BLTP2: variants seen among roughly 807,000 people sequenced by gnomAD.
BLTP2 encodes the protein bridge-like lipid transfer protein family member 2, also known as U937-associated antigen.
chr17:28,616,716 T>TG, the BLTP2 span: 1 of 1,614,252 alleles, frequency 6.2e-7, no homozygotes, highest in Non-Finnish European at 8.5e-7. The surrounding 1 kb of genome is among the most constrained non-coding windows in gnomAD (Gnocchi z 4.8). Context: ...GTGGAAGAAC[T>TG]GGTGTGTCAG....
the BLTP2 span, chr17:28,618,835 G>A: frequency 6.2e-7 from 1 of 1,613,968 alleles, no homozygotes; most frequent in East Asian, 2.2e-5. Flanking sequence ...GCAATTCCCA[G>A]CTGTCCATCT....
the BLTP2 span, among the ~76,000 whole-genome samples, chr17:28,628,883 G>A: frequency 2.5e-4 from 38 of 150,350 alleles, no homozygotes; most frequent in Non-Finnish European, 5.2e-4. Flanking sequence ...GCAGTGAGCC[G>A]AGATCACACC....
At chr17:28,620,854 G>A in the BLTP2 span, 1 of 989,474 alleles carries the variant, frequency 1.0e-6, no homozygotes. Context: ...CTTACAAAAA[G>A]TAGAGCAAAG....
chr17:28,632,810 A>AT, the BLTP2 span: 29 of 596,198 alleles, frequency 4.9e-5, 1 homozygote, highest in Non-Finnish European at 6.8e-5. Flanking sequence ...ACAAAAAAAA[A>AT]GGTCCTAACC....
the BLTP2 span, chr17:28,644,324 C>G: frequency 1.1e-6 from 1 of 933,378 alleles, no homozygotes; most frequent in Admixed American, 2.6e-5. Context: ...TCCAAAGCAC[C>G]ACTCTGTCAT....
At chr17:28,635,032 T>TGTA in the BLTP2 span, 1 of 1,613,398 alleles carries the variant, frequency 6.2e-7, no homozygotes, top group Non-Finnish European at 8.5e-7. Flanking sequence ...AGTCCCTTGA[T>TGTA]GTAGTCCCTT....
the BLTP2 span, chr17:28,643,554 A>C: frequency 6.4e-7 from 1 of 1,557,642 alleles, no homozygotes; most frequent in Non-Finnish European, 8.9e-7. Context: ...GTCACTCTGC[A>C]AACACCAACT....
chr17:28,642,664 A>G, the BLTP2 span, among the ~76,000 whole-genome samples: 1 of 152,030 alleles, frequency 6.6e-6, no homozygotes, highest in Non-Finnish European at 1.5e-5. Flanking sequence ...AAAAAAATTT[A>G]AAAAAAAGAG....
chr17:28,614,464 T>C, the BLTP2 span: 1 of 406,346 alleles, frequency 2.5e-6, no homozygotes, highest in Non-Finnish European at 4.1e-6. Context: ...AAAATATCTT[T>C]TTTTTTCTCT....
chr17:28,629,541 G>A, the BLTP2 span, among the ~76,000 whole-genome samples: 1 of 152,080 alleles, frequency 6.6e-6, no homozygotes, highest in Non-Finnish European at 1.5e-5. Context: ...GCAATGGTGC[G>A]ATCTCAGCTG....
At chr17:28,639,523 T>C in the BLTP2 span, 1 of 1,613,106 alleles carries the variant, frequency 6.2e-7, no homozygotes, top group Non-Finnish European at 8.5e-7. Context: ...AACGAAATAA[T>C]GTAGCGGGAG....
the BLTP2 span, chr17:28,614,934 T>C: frequency 2.3e-5 from 19 of 812,710 alleles, no homozygotes; most frequent in Admixed American, 1.8e-4. Context: ...GACCAGGTGC[T>C]GAAGAGTGAT....
At chr17:28,638,001 C>G in the BLTP2 span, 1 of 1,614,234 alleles carries the variant, frequency 6.2e-7, no homozygotes, top group Non-Finnish European at 8.5e-7. Context: ...GCACAGGTAT[C>G]TGATGCTTCC....
At chr17:28,617,106 T>C in the BLTP2 span, 1 of 1,175,888 alleles carries the variant, frequency 8.5e-7, no homozygotes, top group Non-Finnish European at 1.2e-6. Flanking sequence ...ACTGCTAAGC[T>C]GGGCAAGCTT....
the BLTP2 span, chr17:28,640,435 A>T: frequency 6.0e-6 from 6 of 995,892 alleles, no homozygotes; most frequent in Non-Finnish European, 9.3e-6. Flanking sequence ...CACTACATGG[A>T]TGTAACCATT....
the BLTP2 span, chr17:28,634,953 T>C: frequency 6.2e-7 from 1 of 1,613,646 alleles, no homozygotes; most frequent in Non-Finnish European, 8.5e-7. Context: ...AGAAAACCCA[T>C]GAGAAGTGCT....
chr17:28,614,751 T>G, the BLTP2 span: 3 of 160,914 alleles, frequency 1.9e-5, no homozygotes, highest in East Asian at 5.1e-4. Context: ...CTATAAAAAT[T>G]TATCACACTT....
the BLTP2 span, among the ~76,000 whole-genome samples, chr17:28,625,721 C>T: frequency 3.9e-5 from 6 of 152,152 alleles, no homozygotes. Flanking sequence ...TTCCATCCAT[C>T]TTATCTCCAT....
the BLTP2 span, among the ~76,000 whole-genome samples, chr17:28,625,750 G>A: frequency 6.6e-6 from 1 of 151,980 alleles, no homozygotes; most frequent in African/African-American, 2.4e-5. Flanking sequence ...CCTCTACCTA[G>A]TTCTAGCCCT....
Sources: gnomAD v4.1 joint callset for allele counts (sites outside exome capture counted in the v4.1 genomes callset) on GRCh38, gnomAD v4.1.1 for gene constraint, Gnocchi (gnomAD v3.1) non-coding constraint, MANE v1.5 for transcripts, NCBI Gene and HGNC (gene_info 2026-07-23, HGNC 2026-07-21) for gene names.